KCNH5: variants seen among roughly 807,000 people sequenced by gnomAD.
The protein encoded by KCNH5 is voltage-gated delayed rectifier potassium channel KCNH5.
A neutral mutation model predicts 96.1 loss-of-function variants in KCNH5; 46 were observed. That is an observed-to-expected ratio of 0.48 (90% CI 0.38 to 0.61). The LOEUF (loss-of-function observed/expected upper bound fraction) is 0.61. Ranked by LOEUF, KCNH5 falls within the 20% of genes least tolerant of loss-of-function variation. The pLI is 0.00. For missense variants in KCNH5, 907 were observed against 1,225.8 expected (o/e 0.74, Z 3.88); for synonymous variants, 439 against 449.8 (o/e 0.98, Z 0.30).
chr14:63,026,628 G>A (rs1299874860), intron 1 of KCNH5, among the ~76,000 whole-genome samples: 1 of 151,872 alleles, frequency 6.6e-6, no homozygotes, highest in Non-Finnish European at 1.5e-5. Context: ...TAATCATCAG[G>A]GAAATGCAGA....
chr14:62,797,107 G>GT (rs1490113859), intron 9 of KCNH5, among the ~76,000 whole-genome samples: 5 of 152,092 alleles, frequency 3.3e-5, no homozygotes, highest in Admixed American at 6.6e-5. Flanking sequence ...ACTGACTGTG[G>GT]TAAGGGATAT....
chr14:62,973,156 A>G (rs923290387), intron 6 of KCNH5, among the ~76,000 whole-genome samples: 6 of 152,216 alleles, frequency 3.9e-5, no homozygotes, highest in Admixed American at 3.9e-4. Context: ...CAATTTTGCT[A>G]CAAACCTAAA....
chr14:63,039,772 A>G (rs1891787785), intron 1 of KCNH5, among the ~76,000 whole-genome samples: 2 of 152,250 alleles, frequency 1.3e-5, no homozygotes, highest in African/African-American at 2.4e-5. Context: ...AATAATTAAT[A>G]TAATACATAC....
Position 62,705,257 on chromosome 14 carries a change from T to G in KCNH5, c.*2251A>C, listed in dbSNP as rs1026546551. ...ATCATCATGTTGTTCACAGTCATTCTTTTATAGCTTTACACCAATAGTTAG... is the reference window on the plus strand; with the variant it reads ...ATCATCATGTTGTTCACAGTCATTCGTTTATAGCTTTACACCAATAGTTAG... On this transcript the variant is annotated 3_prime_UTR_variant, in exon 11 of 11. Coordinates refer to ENST00000322893, the MANE Select transcript of KCNH5 (RefSeq NM_139318.5). 1.3e-5 allele frequency: 2 copies of G among 152,036 alleles called. No individual in the cohort carries two copies. The highest frequency in any genetic ancestry group is 4.8e-5 in the African/African-American group (2 of 41,458). 9.4% of individuals were successfully genotyped at this position (152,036 alleles called of 1,614,324 possible).
In KCNH5 at chr14:62,987,187, C is replaced by T. The variant is rs749867705; in HGVS notation, c.434G>A (p.Gly145Asp). The T allele has an allele frequency of 6.2e-7, 1 of 1,608,902 alleles. No homozygotes were observed. The highest frequency in any genetic ancestry group is 1.1e-5 in the South Asian group (1 of 90,942). The change falls in exon 5 of 11, where the codon GGT becomes GAT. Residue 145 changes from glycine (G) to aspartate (D), a missense_variant and splice_region_variant. Gly to Asp is a moderately conservative substitution (Grantham distance 94). Coordinates refer to ENST00000322893, the MANE Select transcript of KCNH5 (RefSeq NM_139318.5). ...TGTCAATCGGGCAAATTTCGTCCAA[C>T]CTTAAAAATAAGGAAAGAAAGTCTC... is the stretch of plus-strand genomic sequence containing the variant. ...KQPIEDDSTK[G>D]WTKFARLTRA... is the part of the protein sequence containing the mutation.
intron 4 of KCNH5, among the ~76,000 whole-genome samples, chr14:63,001,111 A>C (rs1891002305): frequency 6.6e-6 from 1 of 152,154 alleles, no homozygotes; most frequent in Admixed American, 6.5e-5. Context: ...AAAATTTCTT[A>C]CTCATGCTAT....
intron 7 of KCNH5, among the ~76,000 whole-genome samples, chr14:62,891,519 A>T (rs1289776178): frequency 6.6e-6 from 1 of 152,138 alleles, no homozygotes; most frequent in African/African-American, 2.4e-5. Context: ...GAGTTTACCT[A>T]TGTAACAAAC....
intron 7 of KCNH5, among the ~76,000 whole-genome samples, chr14:62,910,082 C>G (rs1000366224): frequency 6.6e-6 from 1 of 150,984 alleles, no homozygotes; most frequent in Non-Finnish European, 1.5e-5. Context: ...CAGTATGTGA[C>G]CAAGAATTGA....
chr14:63,040,264 C>T (rs1198589846), intron 1 of KCNH5, among the ~76,000 whole-genome samples: 1 of 152,112 alleles, frequency 6.6e-6, no homozygotes, highest in Non-Finnish European at 1.5e-5. Context: ...ATGTCTTACA[C>T]ATCCTACTTC....
At chr14:63,038,482 G>A (rs1891764417) in intron 1 of KCNH5, among the ~76,000 whole-genome samples, 1 of 152,052 alleles carries the variant, frequency 6.6e-6, no homozygotes, top group South Asian at 2.1e-4. Context: ...TTATATTTCT[G>A]TAATGGGACC....
intron 7 of KCNH5, among the ~76,000 whole-genome samples, chr14:62,855,163 A>T (rs1209480561): frequency 6.6e-6 from 1 of 152,058 alleles, no homozygotes; most frequent in East Asian, 2.0e-4. Flanking sequence ...GCCCCTGGCC[A>T]ATAGCTTTGG....
intron 1 of KCNH5, among the ~76,000 whole-genome samples, chr14:63,018,874 G>T (rs956501962): frequency 2.0e-5 from 3 of 151,976 alleles, no homozygotes. Context: ...ATGGAAAAAA[G>T]TAGGCAGTAG....
intron 10 of KCNH5, among the ~76,000 whole-genome samples, chr14:62,728,171 A>G (rs559770643): frequency 1.3e-5 from 2 of 151,470 alleles, no homozygotes; most frequent in East Asian, 3.9e-4. Flanking sequence ...ATCTGAGGTC[A>G]GGAGTTCAAG....
intron 9 of KCNH5, among the ~76,000 whole-genome samples, chr14:62,799,775 A>G (rs1330559520): frequency 5.9e-5 from 8 of 135,264 alleles, no homozygotes; most frequent in Non-Finnish European, 1.2e-4. Context: ...TATATATTTA[A>G]TATTTTATAT....
chr14:62,912,478 C>T (rs1889188304), intron 7 of KCNH5, among the ~76,000 whole-genome samples: 1 of 151,774 alleles, frequency 6.6e-6, no homozygotes, highest in African/African-American at 2.4e-5. Context: ...ACAATCTTGG[C>T]TCACTGCAGC....
In KCNH5 at chr14:62,887,752, C is replaced by A. The variant is rs989310077; in HGVS notation, c.1370-37900G>T. Among the ~76,000 whole-genome samples the A allele has an allele frequency of 6.6e-5, 10 of 151,986 alleles. 1 individual carries two copies. The highest frequency in any genetic ancestry group is 2.4e-4 in the African/African-American group (10 of 41,388). On this transcript the variant is annotated intron_variant, in intron 7 of 10. Coordinates refer to ENST00000322893, the MANE Select transcript of KCNH5 (RefSeq NM_139318.5). ...GCCAGACTGTCTGCTTTGCTCATAC[C>A]TCTTGTTTGCCCATACCCTGAAATT...
intron 7 of KCNH5, among the ~76,000 whole-genome samples, chr14:62,881,073 G>T (rs756974752): frequency 1.3e-5 from 2 of 152,136 alleles, no homozygotes; most frequent in Non-Finnish European, 2.9e-5. Flanking sequence ...ACATTCCATG[G>T]AAACATCTTT....
Position 62,849,853 on chromosome 14 carries a change from C to A in KCNH5, c.1370-1G>T, listed in dbSNP as rs1476323934. 1 of 1,607,156 alleles carries A rather than the reference C, an allele frequency of 6.2e-7. No homozygotes were observed. Among genetic ancestry groups the A allele is most frequent in the Non-Finnish European group, 8.5e-7 (1 of 1,174,378 alleles). ...CCAAAAATAGTTGCATAAAGAAGAG[C>A]TGAAAGAGAAGAAATGATAAAAATA... is the stretch of plus-strand genomic sequence containing the variant. On this transcript the variant is annotated splice_acceptor_variant, in intron 7 of 10. Transcript: ENST00000322893. LOFTEE classifies it high-confidence loss of function.
intron 2 of KCNH5, among the ~76,000 whole-genome samples, chr14:63,011,281 G>A (rs920698936): frequency 4.0e-5 from 6 of 151,868 alleles, no homozygotes; most frequent in African/African-American, 9.7e-5. Flanking sequence ...TCAGGAGTTC[G>A]AGACCAGCCT....
Sources: gnomAD v4.1 joint callset for allele counts (sites outside exome capture counted in the v4.1 genomes callset) on GRCh38, gnomAD v4.1.1 for gene constraint, MANE v1.5 for transcripts, NCBI Gene and HGNC (gene_info 2026-07-23, HGNC 2026-07-21) for gene names.